The following NAALADL2 variants were observed in gnomAD, a reference collection of about 807,000 sequenced individuals.
The protein encoded by NAALADL2 is inactive N-acetylated-alpha-linked acidic dipeptidase-like protein 2.
NAALADL2 carries 76 observed loss-of-function variants against 87.2 expected under a neutral mutation model. The observed-to-expected ratio is 0.87, with a 90% CI of 0.72 to 1.05. The LOEUF (loss-of-function observed/expected upper bound fraction) is 1.05. Among genes scored for constraint, NAALADL2 ranks in the 50% least tolerant of loss-of-function variants. The pLI is 0.00. For synonymous variants in NAALADL2, 354 were observed against 331.0 expected (o/e 1.07, Z -0.75); for missense variants, 1,089 against 945.8 (o/e 1.15, Z -1.99).
chr3:175,506,942 C>T (rs1239239396), intron 9 of NAALADL2, among the ~76,000 whole-genome samples: 1 of 152,062 alleles, frequency 6.6e-6, no homozygotes, highest in Non-Finnish European at 1.5e-5. Flanking sequence ...ATGCACGGGA[C>T]ATGTCAGCCA....
In NAALADL2 at chr3:174,621,322, G is replaced by GA. The variant is rs1424841425; in HGVS notation, c.-115+70693dup. ...TTTATCGCACAAGTCTGCTTTCAAG[G>GA]AAAAAAAACGAATCAATGAAAAATA... is the stretch of plus-strand genomic sequence containing the variant. On this transcript the variant is annotated intron_variant, in intron 2 of 3. Transcript: ENST00000434257. 3.3e-5 allele frequency among the ~76,000 whole-genome samples: 5 copies of GA among 151,302 alleles called. No individual in the cohort carries two copies. In the East Asian group the frequency reaches 5.8e-4, roughly 18 times the overall value.
chr3:174,650,987 C>A (rs1724295387), intron 2 of NAALADL2, among the ~76,000 whole-genome samples: 1 of 152,192 alleles, frequency 6.6e-6, no homozygotes, highest in Admixed American at 6.5e-5. Flanking sequence ...AGGAGAACAA[C>A]TGTCCAGGTT....
chr3:175,450,375 C>A, intron 6 of NAALADL2, among the ~76,000 whole-genome samples: 1 of 151,970 alleles, frequency 6.6e-6, no homozygotes, highest in East Asian at 1.9e-4. Context: ...CTAAGTATAG[C>A]CCTGATCTTT....
intron 2 of NAALADL2, among the ~76,000 whole-genome samples, chr3:175,118,210 T>A (rs1245082914): frequency 6.6e-6 from 1 of 151,918 alleles, no homozygotes; most frequent in Non-Finnish European, 1.5e-5. Flanking sequence ...TATACATATG[T>A]AACAAACCTG....
chr3:174,766,662 T>C (rs899240039), intron 3 of NAALADL2, among the ~76,000 whole-genome samples: 14 of 152,208 alleles, frequency 9.2e-5, no homozygotes, highest in Admixed American at 6.5e-5. Flanking sequence ...TGCTTCTCTA[T>C]TATAGAATTG....
chr3:175,778,446 G>A (rs1750564181), intron 13 of NAALADL2, among the ~76,000 whole-genome samples: 1 of 152,164 alleles, frequency 6.6e-6, no homozygotes, highest in Non-Finnish European at 1.5e-5. Context: ...TTCCGGGAAA[G>A]TTCCTTTTGG....
chr3:174,739,759 C>T (rs1010497265), intron 3 of NAALADL2, among the ~76,000 whole-genome samples: 10 of 151,968 alleles, frequency 6.6e-5, no homozygotes, highest in Non-Finnish European at 1.3e-4. Context: ...CTTTGATAGC[C>T]AAGCCAACCA....
chr3:175,052,482 T>C lies in NAALADL2; in HGVS notation c.44-44308T>C, dbSNP rs148660161. Among the ~76,000 whole-genome samples the C allele has an allele frequency of 8.3e-4, 126 of 152,300 alleles. 1 individual carries two copies. Among genetic ancestry groups the C allele is most frequent in the African/African-American group, 2.8e-3 (116 of 41,572 alleles). On this transcript the variant is annotated intron_variant, in intron 1 of 13. Coordinates refer to ENST00000454872, the MANE Select transcript of NAALADL2 (RefSeq NM_207015.3). ...GAGCTACTTCTTGGAGGAGTCAGGA[T>C]CCACATCTGCAGACTATACAAAGAC...
intron 1 of NAALADL2, among the ~76,000 whole-genome samples, chr3:174,937,763 T>A (rs1428579252): frequency 2.0e-5 from 3 of 152,090 alleles, no homozygotes; most frequent in Admixed American, 1.3e-4. Flanking sequence ...TTAACAAAGC[T>A]AACCTAGTAT....
At chr3:175,487,786 T>A (rs1174572722) in intron 9 of NAALADL2, 9 of 286,304 alleles carry the variant, frequency 3.1e-5, no homozygotes, top group Middle Eastern at 1.3e-3. Flanking sequence ...GAAGACTGTG[T>A]GTATGTAGCA....
chr3:175,669,899 T>C (rs1051743854), intron 11 of NAALADL2, among the ~76,000 whole-genome samples: 3 of 152,032 alleles, frequency 2.0e-5, no homozygotes, highest in African/African-American at 7.2e-5. Context: ...TACTATCCAA[T>C]GATAGACACT....
chr3:174,573,517 A>G (rs1308402479), intron 2 of NAALADL2, among the ~76,000 whole-genome samples: 3 of 152,170 alleles, frequency 2.0e-5, no homozygotes, highest in African/African-American at 7.2e-5. Context: ...AAGGCTGGGT[A>G]ATTTATAATG....
chr3:175,577,796 G>T (rs1424332959), intron 10 of NAALADL2, among the ~76,000 whole-genome samples: 8 of 152,134 alleles, frequency 5.3e-5, no homozygotes, highest in Admixed American at 5.2e-4. Context: ...GAATGCTTGA[G>T]ATGAAATAAT....
chr3:175,029,205 T>C (rs2108903010), intron 1 of NAALADL2, among the ~76,000 whole-genome samples: 1 of 152,154 alleles, frequency 6.6e-6, no homozygotes, highest in Middle Eastern at 3.4e-3. Context: ...ACTGAAAAAC[T>C]TGTTTTTATA....
At chr3:174,469,753 GCT>G (rs1716784265) in intron 1 of NAALADL2, among the ~76,000 whole-genome samples, 1 of 151,998 alleles carries the variant, frequency 6.6e-6, no homozygotes, top group Admixed American at 6.6e-5. Context: ...GGATAGTGAA[GCT>G]CTCACCTGGT....
intron 5 of NAALADL2, among the ~76,000 whole-genome samples, chr3:175,433,064 A>G (rs1443443029): frequency 6.6e-6 from 1 of 151,998 alleles, no homozygotes; most frequent in Admixed American, 6.6e-5. Context: ...AGTTGCAGTC[A>G]TGAAGCTGTA....
chr3:174,957,749 C>G (rs1741365819), intron 1 of NAALADL2, among the ~76,000 whole-genome samples: 1 of 151,828 alleles, frequency 6.6e-6, no homozygotes. Context: ...ATTCATAGTT[C>G]ATTCTACTGG....
intron 2 of NAALADL2, among the ~76,000 whole-genome samples, chr3:175,199,854 ATATATATAT>A (rs1739683693): frequency 5.3e-5 from 1 of 18,922 alleles, no homozygotes; most frequent in African/African-American, 2.6e-4. Flanking sequence ...ATATATATAT[ATATATATAT>A]ATTTTTTTTT....
At chr3:175,090,680 T>G (rs1381131) in intron 1 of NAALADL2, among the ~76,000 whole-genome samples, 40,849 of 151,886 alleles carry the variant, frequency 0.27, 5,625 homozygotes, top group Non-Finnish European at 0.3. Flanking sequence ...TAACTCAGGC[T>G]TCAGGGTGAA....
Sources: gnomAD v4.1 joint callset for allele counts (sites outside exome capture counted in the v4.1 genomes callset) on GRCh38, gnomAD v4.1.1 for gene constraint, MANE v1.5 for transcripts, NCBI Gene and HGNC (gene_info 2026-07-23, HGNC 2026-07-21) for gene names.